The following HTATSF1 variants were observed in gnomAD, a reference collection of about 807,000 sequenced individuals.
HTATSF1 encodes the protein 17S U2 SnRNP complex component HTATSF1.
A neutral mutation model predicts 46.1 loss-of-function variants in HTATSF1; 6 were observed. The observed-to-expected ratio is 0.13, with a 90% CI of 0.07 to 0.26. The LOEUF is 0.26. Ranked by LOEUF, HTATSF1 falls within the 10% of genes least tolerant of loss-of-function variation. The pLI, the probability that HTATSF1 is intolerant of heterozygous loss-of-function variation, is 1.00. For synonymous variants in HTATSF1, 226 were observed against 211.5 expected (o/e 1.07, Z -0.60); for missense variants, 452 against 559.9 (o/e 0.81, Z 1.94).
chrX:136,500,069 A>G (rs2075711076), intron 2 of HTATSF1, 89 bp from the exon 3 acceptor site: 1 of 654,954 alleles, frequency 1.5e-6, no homozygotes, highest in South Asian at 2.4e-5. Flanking sequence ...TGGAAGTTTC[A>G]AGAAACTGCT....
rs773794055 is a variant in HTATSF1 at position 136,500,776 on chromosome X, T to C, written c.528T>C (p.Asn176=). The C allele has an allele frequency of 8.7e-7, 1 of 1,143,526 alleles. No individual in the cohort carries two copies. The highest frequency in any genetic ancestry group is 2.2e-5 in the South Asian group (1 of 45,851). 94.2% of individuals were successfully genotyped at this position (1,143,526 alleles called of 1,213,427 possible). The change falls in exon 4 of 9, where the codon AAT becomes AAC. Residue 176 remains asparagine (N), a synonymous_variant. Coordinates refer to ENST00000218364, the MANE Select transcript of HTATSF1 (RefSeq NM_014500.5). ...EEFKVKLYKD[N]QGNLKGDGLC... is the part of the protein sequence containing the mutation. ...TTAAGGTCAAACTTTACAAAGATAA[T>C]CAAGGAAATCTTAAAGGAGACGGTC...
At chrX:136,500,247 T>A in intron 3 of HTATSF1, 42 bp downstream of exon 3, 2 of 835,293 alleles carry the variant, frequency 2.4e-6, no homozygotes, top group Non-Finnish European at 3.5e-6. Context: ...AGGAAATACT[T>A]AATTTTGAGA....
Position 136,511,208 on chromosome X carries a change from G to C in HTATSF1, c.1463G>C (p.Gly488Ala), listed in dbSNP as rs2075765873. The C allele has an allele frequency of 2.1e-5, 25 of 1,207,898 alleles. No homozygotes were observed. The East Asian group carries it at 7.1e-4, about 34-fold the overall frequency. The change falls in exon 9 of 9, where the codon GGC (glycine) becomes GCC (alanine). Residue 488 changes from glycine (G) to alanine (A), a missense_variant. Gly to Ala is a moderately conservative substitution (Grantham distance 60). Transcript: ENST00000218364. The stretch of plus-strand genomic sequence containing the variant: ...TGCTCCCAAAAAGAGTCTGAAGAAG[G>C]CAATCCCGTAAGAGGATCTGAAGAG... ...GSCSQKESEE[G>A]NPVRGSEEDS... is the part of the protein sequence containing the mutation.
chrX:136,499,533 A>T, intron 1 of HTATSF1, 65 bp from the exon 2 acceptor site: 1 of 878,169 alleles, frequency 1.1e-6, no homozygotes, highest in Non-Finnish European at 1.5e-6. Flanking sequence ...AACACAATTT[A>T]AACTTCTTAT....
At chrX:136,510,671 C>A in intron 8 of HTATSF1, 137 bp from the exon 9 acceptor site, 1 of 726,544 alleles carries the variant, frequency 1.4e-6, no homozygotes, top group South Asian at 3.9e-5. Flanking sequence ...GTTTTGAAAA[C>A]TGAAGATGGA....
chrX:136,499,310 T>C (rs1438098842), intron 1 of HTATSF1, among the ~76,000 whole-genome samples: 2 of 112,332 alleles, frequency 1.8e-5, no homozygotes, highest in Non-Finnish European at 3.8e-5. Flanking sequence ...AATTAATAAA[T>C]GAAACAACTA....
chrX:136,512,037 A>G lies in HTATSF1; in HGVS notation c.*24A>G, dbSNP rs766211116. ...AATCCCTTAAACTTGCTTTTTAGGG[A>G]GAGTCCTCCATCTACATTTGCCTGT... On this transcript the variant is annotated 3_prime_UTR_variant, in exon 9 of 9. Coordinates refer to ENST00000218364, the MANE Select transcript of HTATSF1 (RefSeq NM_014500.5). 1.3e-5 allele frequency: 15 copies of G among 1,171,507 alleles called. No individual in the cohort carries two copies. The highest frequency in any genetic ancestry group is 7.3e-5 in the Admixed American group (3 of 40,938).
chrX:136,500,526 G>A, intron 3 of HTATSF1, 138 bp from the exon 4 acceptor site: 1 of 449,878 alleles, frequency 2.2e-6, no homozygotes, highest in African/African-American at 2.5e-5. Flanking sequence ...CTTCAGTTCC[G>A]TAAATGTAAA....
chrX:136,511,201 G>A lies in HTATSF1; in HGVS notation c.1456G>A (p.Glu486Lys), dbSNP rs1239545629. Residue 486 changes from glutamate to lysine, a missense_variant, in exon 9 of 9, where the codon GAA becomes AAA. Glu to Lys is a moderately conservative substitution (Grantham distance 56). Transcript: ENST00000218364. ...FEGSCSQKES[E>K]EGNPVRGSEE... The stretch of plus-strand genomic sequence containing the variant: ...AGGCAGCTGCTCCCAAAAAGAGTCT[G>A]AAGAAGGCAATCCCGTAAGAGGATC... 1 of 1,206,033 alleles carries A rather than the reference G, an allele frequency of 8.3e-7. No homozygotes were observed. Among genetic ancestry groups the A allele is most frequent in the Non-Finnish European group, 1.1e-6 (1 of 894,303 alleles).
At chrX:136,510,360 A>T (rs1400944706) in intron 8 of HTATSF1, 141 bp downstream of exon 8, 1 of 374,323 alleles carries the variant, frequency 2.7e-6, no homozygotes, top group African/African-American at 2.7e-5. Context: ...ATATATTTTA[A>T]TTTTTTACTC....
At chrX:136,509,680 T>C (rs941680527) in intron 7 of HTATSF1, among the ~76,000 whole-genome samples, 2 of 112,547 alleles carry the variant, frequency 1.8e-5, no homozygotes, top group Non-Finnish European at 3.7e-5. Flanking sequence ...TTAGCACTAT[T>C]ACACCCATTT....
chrX:136,507,485 C>G (rs986314584), intron 6 of HTATSF1, among the ~76,000 whole-genome samples: 1 of 109,272 alleles, frequency 9.2e-6, no homozygotes, highest in Admixed American at 9.8e-5. Context: ...CACTTGAATC[C>G]GGGAGGCAGA....
intron 1 of HTATSF1, among the ~76,000 whole-genome samples, chrX:136,498,725 C>T (rs1252973094): frequency 8.9e-6 from 1 of 112,554 alleles, no homozygotes; most frequent in African/African-American, 3.2e-5. Context: ...TTTACGATTT[C>T]ACTTCTGTGT....
chrX:136,500,548 C>A, intron 3 of HTATSF1, 116 bp from the exon 4 acceptor site: 1 of 500,349 alleles, frequency 2.0e-6, no homozygotes, highest in Non-Finnish European at 3.2e-6. Context: ...CTTTTACATA[C>A]ATTTAGAAAA....
intron 4 of HTATSF1, 103 bp from the exon 5 acceptor site, chrX:136,502,675 T>A (rs1023023514): frequency 1.8e-5 from 6 of 328,359 alleles, no homozygotes; most frequent in Non-Finnish European, 2.9e-5. Context: ...TATATAAATA[T>A]AAGAATTTAA....
At chrX:136,500,401 C>A (rs971333905) in intron 3 of HTATSF1, among the ~76,000 whole-genome samples, 196 bp downstream of exon 3, 2 of 111,778 alleles carry the variant, frequency 1.8e-5, no homozygotes, top group Admixed American at 1.9e-4. Context: ...ACTTTGCATA[C>A]CAACCTTTAG....
Position 136,511,203 on chromosome X carries a change from A to G in HTATSF1, c.1458A>G (p.Glu486=). Residue 486 remains glutamate (E), a synonymous_variant, in exon 9 of 9, where the codon GAA becomes GAG. Coordinates refer to ENST00000218364, the MANE Select transcript of HTATSF1 (RefSeq NM_014500.5). The part of the protein sequence containing the change: ...FEGSCSQKES[E]EGNPVRGSEE... ...GCAGCTGCTCCCAAAAAGAGTCTGA[A>G]GAAGGCAATCCCGTAAGAGGATCTG... The G allele has an allele frequency of 8.3e-7, 1 of 1,208,311 alleles. No individual in the cohort carries two copies. Among genetic ancestry groups the G allele is most frequent in the African/African-American group, 1.7e-5 (1 of 57,452 alleles).
chrX:136,505,985 T>A (rs1057172392), intron 6 of HTATSF1, among the ~76,000 whole-genome samples: 1 of 112,238 alleles, frequency 8.9e-6, no homozygotes, highest in Admixed American at 9.4e-5. Context: ...TCGAGGTCTT[T>A]GATTCACACA....
chrX:136,509,538 T>A (rs1367896074), intron 7 of HTATSF1, among the ~76,000 whole-genome samples: 1 of 112,167 alleles, frequency 8.9e-6, no homozygotes, highest in East Asian at 2.8e-4. Context: ...AATATTCTCC[T>A]GTATATTTCC....
Sources: gnomAD v4.1 joint callset for allele counts (sites outside exome capture counted in the v4.1 genomes callset) on GRCh38, gnomAD v4.1.1 for gene constraint, MANE v1.5 for transcripts, NCBI Gene and HGNC (gene_info 2026-07-23, HGNC 2026-07-21) for gene names.